The following CENPF variants were observed in gnomAD, a reference collection of about 807,000 sequenced individuals.
The protein encoded by CENPF is AH antigen.
A neutral mutation model predicts 307.3 loss-of-function variants in CENPF; 214 were observed. The ratio of observed to expected loss-of-function variants is 0.70; its 90% confidence interval spans 0.62 to 0.78. CENPF has a LOEUF of 0.78. Among genes scored for constraint, CENPF ranks in the 30% least tolerant of loss-of-function variants. The probability of loss-of-function intolerance (pLI) is 0.00; values close to 1 mark genes in which losing one functional copy is unlikely to be tolerated. For synonymous variants in CENPF, 1,259 were observed against 1,270.6 expected, an observed-to-expected ratio of 0.99 and a Z score of 0.19; for missense variants, 3,401 against 3,483.9, an observed-to-expected ratio of 0.98 and a Z score of 0.60.
chr1:214,630,677 T>G lies in CENPF; in HGVS notation c.1323+15T>G. 1 of 1,612,700 alleles carries G rather than the reference T, an allele frequency of 6.2e-7. No homozygotes were observed. The highest frequency in any genetic ancestry group is 1.3e-5 in the African/African-American group (1 of 74,978). ...AACTGGATAAAGTAGGGGCCGTGTC[T>G]CTCTCTCTCTCCTTAATCATCCCCT... On this transcript the variant is annotated intron_variant, in intron 9 of 19. Transcript: ENST00000366955.
In CENPF at chr1:214,603,287, C is replaced by T. The variant is rs943106449; in HGVS notation, c.-76C>T. ...GCCGAAGCCGCGCCAGAACTGTACT[C>T]TCCGAGAGGTCGTTTTCCCGTCCCC... On this transcript the variant is annotated 5_prime_UTR_variant, in exon 1 of 20. Transcript: ENST00000366955. 1 of 152,340 alleles carries T rather than the reference C, an allele frequency of 6.6e-6. No homozygotes were observed. The highest frequency in any genetic ancestry group is 2.4e-5 in the African/African-American group (1 of 41,470). 9.4% of individuals were successfully genotyped at this position (152,340 alleles called of 1,614,324 possible).
chr1:214,651,116 G>T (rs1658450040), intron 14 of CENPF, among the ~76,000 whole-genome samples: 1 of 152,288 alleles, frequency 6.6e-6, no homozygotes. Context: ...TAAAGAATTG[G>T]AGATGAGGAA....
At chr1:214,616,845 CT>C (rs1036123307) in intron 3 of CENPF, among the ~76,000 whole-genome samples, 1 of 3,658 alleles carries the variant, frequency 2.7e-4, no homozygotes, top group African/African-American at 4.9e-4. Context: ...CTCTTTCTTT[CT>C]TTCTTTCTTT....
chr1:214,653,120 A>T (rs1441496285), intron 16 of CENPF, 131 bp downstream of exon 16: 2 of 830,116 alleles, frequency 2.4e-6, no homozygotes, highest in Non-Finnish European at 4.2e-6. Context: ...GATGTCATTC[A>T]TCAGTTCTCT....
rs1387942279 is a variant in CENPF, at chr1:214,614,924, G to T, written c.255G>T (p.Lys85Asn). Residue 85 changes from lysine to asparagine, a missense_variant, in exon 3 of 20, where the codon AAG becomes AAT. By Grantham distance (94) the Lys-to-Asn change is moderately conservative. Transcript: ENST00000366955. Reference sequence around the variant, plus strand: ...AAAGTCTGGAGAAAACTAAGCAGAAGATTTCTCATGAACTTCAAGTCAAGG... The same window carrying T: ...AAAGTCTGGAGAAAACTAAGCAGAATATTTCTCATGAACTTCAAGTCAAGG... ...ICESLEKTKQKISHELQVKES... is the reference protein window; with the variant it reads ...ICESLEKTKQNISHELQVKES... 6.2e-7 allele frequency: 1 copy of T among 1,611,994 alleles called. No individual in the cohort carries two copies. The highest frequency in any genetic ancestry group is 1.3e-5 in the African/African-American group (1 of 74,824).
At chr1:214,634,933 T>C (rs1032049113) in intron 10 of CENPF, among the ~76,000 whole-genome samples, 1 of 152,182 alleles carries the variant, frequency 6.6e-6, no homozygotes, top group Non-Finnish European at 1.5e-5. Context: ...CAATGAGAAA[T>C]TATCAGTACT....
chr1:214,648,013 A>G (rs771324491), intron 13 of CENPF: 1 of 488,102 alleles, frequency 2.0e-6, no homozygotes, highest in Non-Finnish European at 4.1e-6. Context: ...CAATTATTAA[A>G]GAAAAATTAA....
At chr1:214,623,002 A>G (rs1423279675) in intron 7 of CENPF, among the ~76,000 whole-genome samples, 1 of 152,196 alleles carries the variant, frequency 6.6e-6, no homozygotes, top group African/African-American at 2.4e-5. Context: ...ACTTGAGGCT[A>G]GGAGATCAAG....
rs1558191518 is a variant in CENPF at position 214,655,363 on chromosome 1, ACT to A, written c.8451_8452del (p.Gln2818ThrfsTer20). ...AGGAAAAGGAGATACTGCAGAAAGAACTCTCTCAACTTCAAGCTGCACAGGAG... is the reference window on the plus strand; with the variant it reads ...AGGAAAAGGAGATACTGCAGAAAGAACTCTCAACTTCAAGCTGCACAGGAG... ...EEEKEILQKE[L>X]SQLQAAQEKQ... is the part of the protein sequence containing the mutation. On this transcript the variant is annotated frameshift_variant, in exon 17 of 20. Coordinates refer to ENST00000366955, the MANE Select transcript of CENPF (RefSeq NM_016343.4). LOFTEE classifies it high-confidence loss of function. 5 of 1,606,940 alleles carry A rather than the reference ACT, an allele frequency of 3.1e-6. No homozygotes were observed. The highest frequency in any genetic ancestry group is 1.7e-5 in the Admixed American group (1 of 58,788).
At chr1:214,605,899 G>A (rs1301090562) in intron 1 of CENPF, 14 of 1,597,306 alleles carry the variant, frequency 8.8e-6, no homozygotes, top group Non-Finnish European at 1.2e-5. Flanking sequence ...CCTTCTCGAT[G>A]TTAGGGAAGG....
At chr1:214,624,169 A>AT (rs372341454) in intron 7 of CENPF, among the ~76,000 whole-genome samples, 4,530 of 151,390 alleles carry the variant, frequency 0.03, 103 homozygotes, top group Middle Eastern at 0.089. Context: ...ATATTTCTGA[A>AT]TTTTTTTTTG....
intron 1 of CENPF, chr1:214,605,938 G>T: frequency 1.3e-6 from 2 of 1,597,360 alleles, no homozygotes; most frequent in Non-Finnish European, 1.7e-6. Flanking sequence ...TCTTGGTGTC[G>T]GGGAAGGCGA....
intron 4 of CENPF, 76 bp from the exon 5 acceptor site, chr1:214,619,053 A>G (rs1657434545): frequency 6.5e-6 from 5 of 767,302 alleles, no homozygotes; most frequent in Non-Finnish European, 8.7e-6. Flanking sequence ...TAGACTATCA[A>G]AATCGTTGTT....
chr1:214,656,891 A>G, intron 17 of CENPF, 42 bp from the exon 18 acceptor site: 1 of 1,282,648 alleles, frequency 7.8e-7, no homozygotes, highest in Non-Finnish European at 1.1e-6. Context: ...TTAACTAGAG[A>G]AGCATCAAGT....
chr1:214,618,341 T>C (rs1657414469), intron 3 of CENPF, among the ~76,000 whole-genome samples: 1 of 152,228 alleles, frequency 6.6e-6, no homozygotes, highest in Admixed American at 6.5e-5. Context: ...CTTACTGGTT[T>C]ATGTTTCTGT....
In CENPF at chr1:214,645,449, GA is replaced by G; in HGVS notation, c.5882del (p.Asn1961ThrfsTer7). On this transcript the variant is annotated frameshift_variant, in exon 13 of 20. Transcript: ENST00000366955. LOFTEE classifies it high-confidence loss of function. ...GAACTCTCAGTGGTCACAAGTGAGA[GA>G]AACCAGCTTCGTGGAGAATTAGATA... Reference protein sequence around the residue: ...EEELSVVTSERNQLRGELDTM... With the variant: ...EEELSVVTSEXNQLRGELDTM... 1.2e-6 allele frequency: 2 copies of G among 1,613,896 alleles called. No individual in the cohort carries two copies. The highest frequency in any genetic ancestry group is 1.7e-6 in the Non-Finnish European group (2 of 1,179,960).
chr1:214,621,337 A>C (rs938380588), intron 6 of CENPF, among the ~76,000 whole-genome samples: 1 of 152,178 alleles, frequency 6.6e-6, no homozygotes, highest in Non-Finnish European at 1.5e-5. Context: ...GTGTCTGCAG[A>C]ACAGCTTTGC....
chr1:214,657,159 T>C lies in CENPF; in HGVS notation c.8712T>C (p.Gly2904=), dbSNP rs1298385539. The change falls in exon 18 of 20, where the codon GGT becomes GGC. Residue 2904 remains glycine (G), a synonymous_variant. Transcript: ENST00000366955. ...KQDSRGSPLL[G]PVVPGPSPIP... is the part of the protein sequence containing the mutation. ...ATTCCCGAGGGTCTCCTTTGCTAGGTCCAGTTGTTCCAGGACCATCTCCAA... is the reference window on the plus strand; with the variant it reads ...ATTCCCGAGGGTCTCCTTTGCTAGGCCCAGTTGTTCCAGGACCATCTCCAA... The C allele has an allele frequency of 1.2e-6, 2 of 1,614,038 alleles. No homozygotes were observed. The highest frequency in any genetic ancestry group is 1.7e-6 in the Non-Finnish European group (2 of 1,180,032).
chr1:214,643,265 C>A lies in CENPF; in HGVS notation c.4927C>A (p.Leu1643Ile). Reference protein sequence around the residue: ...QLSLELEVARLQLQGLDLSSR... With the variant: ...QLSLELEVARIQLQGLDLSSR... The stretch of plus-strand genomic sequence containing the variant: ...GTCACTTGAGCTGGAAGTAGCACGA[C>A]TCCAGCTACAAGGTCTGGACTTAAG... Residue 1643 changes from leucine (L) to isoleucine (I), a missense_variant, in exon 12 of 20, where the codon CTC becomes ATC. By Grantham distance (5) the Leu-to-Ile change is conservative (BLOSUM62 2). Coordinates refer to ENST00000366955, the MANE Select transcript of CENPF (RefSeq NM_016343.4). 6.4e-7 allele frequency: 1 copy of A among 1,566,272 alleles called. No individual in the cohort carries two copies. The highest frequency in any genetic ancestry group is 8.6e-7 in the Non-Finnish European group (1 of 1,161,342).
Sources: gnomAD v4.1 joint callset for allele counts (sites outside exome capture counted in the v4.1 genomes callset) on GRCh38, gnomAD v4.1.1 for gene constraint, MANE v1.5 for transcripts, NCBI Gene and HGNC (gene_info 2026-07-23, HGNC 2026-07-21) for gene names.